Variants in BAALC observed in about 807,000 individuals in gnomAD.
The protein encoded by BAALC is brain and acute leukemia cytoplasmic protein.
In BAALC, 9 loss-of-function variants were observed where a neutral mutation model predicts 15.5. The observed-to-expected ratio is 0.58, with a 90% CI of 0.35 to 1.02. BAALC has a LOEUF of 1.02. BAALC is among the 50% of genes least tolerant of loss of function. The pLI, the probability that BAALC is intolerant of heterozygous loss-of-function variation, is 0.02. For missense variants in BAALC, 201 were observed against 192.4 expected (o/e 1.04, Z -0.27); for synonymous variants, 80 against 74.6 (o/e 1.07, Z -0.37).
chr8:103,149,249 G>A (rs572793317), intron 1 of BAALC, among the ~76,000 whole-genome samples: 30 of 152,124 alleles, frequency 2.0e-4, no homozygotes, highest in Non-Finnish European at 1.3e-4. Flanking sequence ...CATTTACAAG[G>A]CTGAGTCCTG....
intron 2 of BAALC, 73 bp downstream of exon 2, chr8:103,213,158 C>G: frequency 6.7e-7 from 1 of 1,502,554 alleles, no homozygotes; most frequent in Non-Finnish European, 9.1e-7. Context: ...CAGAGCCACC[C>G]AGCCGCTATG....
At chr8:103,153,417 G>A (rs1270524316) in intron 1 of BAALC, 2 of 152,174 alleles carry the variant, frequency 1.3e-5, no homozygotes, top group East Asian at 3.8e-4. Context: ...ATATTTTCAT[G>A]TTTCAAGTAA....
At chr8:103,213,130 G>C in intron 2 of BAALC, 45 bp downstream of exon 2, 2 of 1,597,518 alleles carry the variant, frequency 1.3e-6, no homozygotes, top group Non-Finnish European at 1.7e-6. Context: ...GAGAATGGGG[G>C]TAGGGCTTGC....
In BAALC at chr8:103,140,909, C is replaced by A; in HGVS notation, c.12C>A (p.Gly4=). The A allele has an allele frequency of 1.3e-6, 2 of 1,515,868 alleles. No homozygotes were observed. Among genetic ancestry groups the A allele is most frequent in the South Asian group, 1.2e-5 (1 of 81,218 alleles). The allele number at this position is 1,515,868 out of a possible 1,614,324, so 93.9% of individuals were successfully genotyped here. Residue 4 remains glycine, a synonymous_variant, in exon 1 of 3, where the codon GGC becomes GGA. Transcript: ENST00000309982. This position sits in a 1 kb window ranked among gnomAD's most constrained non-coding sequence, Gnocchi z 4.2. The part of the protein sequence containing the change: MGC[G]GSRADAIEPR... ...CGCGGCGCAGGAGGATGGGCTGCGG[C>A]GGGAGCCGGGCGGATGCCATCGAGC... is the stretch of plus-strand genomic sequence containing the variant.
intron 1 of BAALC, chr8:103,183,557 C>A: frequency 1.5e-6 from 1 of 664,074 alleles, no homozygotes. Context: ...CTTGGGAGAG[C>A]CTCTCAGGCC....
At chr8:103,172,732 ATCCCCAAGCTCCAGTT>A (rs1327929133) in intron 1 of BAALC, among the ~76,000 whole-genome samples, 1 of 152,106 alleles carries the variant, frequency 6.6e-6, no homozygotes, top group Non-Finnish European at 1.5e-5. Flanking sequence ...AGAGCTCTAT[ATCCCCAAGCTCCAGTT>A]TCCCTGTAAA....
At chr8:103,200,146 T>A (rs758346637) in intron 1 of BAALC, among the ~76,000 whole-genome samples, 1 of 152,132 alleles carries the variant, frequency 6.6e-6, no homozygotes, top group African/African-American at 2.4e-5. Context: ...TATAATACAA[T>A]GAGATACCAT....
At chr8:103,180,389 C>A (rs996795088) in intron 1 of BAALC, among the ~76,000 whole-genome samples, 1 of 152,274 alleles carries the variant, frequency 6.6e-6, no homozygotes, top group African/African-American at 2.4e-5. Context: ...GCAAGGCTCA[C>A]GTGCTTGGCC....
intron 1 of BAALC, among the ~76,000 whole-genome samples, chr8:103,186,107 C>A (rs1811830254): frequency 6.6e-6 from 1 of 152,172 alleles, no homozygotes; most frequent in Non-Finnish European, 1.5e-5. Flanking sequence ...AGGGACCCAG[C>A]CTCATTCATC....
chr8:103,222,588 G>A (rs1403986243), intron 2 of BAALC, among the ~76,000 whole-genome samples: 1 of 152,170 alleles, frequency 6.6e-6, no homozygotes. Flanking sequence ...CCTCACGACT[G>A]CTTTTGGTTG....
chr8:103,151,755 A>G (rs1810992768), intron 1 of BAALC, among the ~76,000 whole-genome samples: 1 of 70,572 alleles, frequency 1.4e-5, no homozygotes, highest in Non-Finnish European at 2.7e-5. Context: ...TTCCCTCTGA[A>G]TATAAAAAAA....
chr8:103,169,802 C>T (rs567265103), intron 1 of BAALC, among the ~76,000 whole-genome samples: 59 of 152,272 alleles, frequency 3.9e-4, no homozygotes, highest in Non-Finnish European at 7.8e-4. Flanking sequence ...TATTAGAAAA[C>T]AAAACAACAA....
At chr8:103,203,406 C>A (rs972574115) in intron 1 of BAALC, among the ~76,000 whole-genome samples, 5 of 152,194 alleles carry the variant, frequency 3.3e-5, no homozygotes, top group Admixed American at 3.3e-4. Context: ...GTACTGCTCA[C>A]CATTTGAAAA....
At chr8:103,157,651 A>G (rs1023351441) in intron 1 of BAALC, among the ~76,000 whole-genome samples, 1 of 152,060 alleles carries the variant, frequency 6.6e-6, no homozygotes, top group Non-Finnish European at 1.5e-5. Context: ...CTATAAAAAA[A>G]TTATTTTTAA....
At chr8:103,213,226 T>G (rs1812491019) in intron 2 of BAALC, 141 bp downstream of exon 2, 2 of 976,248 alleles carry the variant, frequency 2.0e-6, no homozygotes, top group South Asian at 4.5e-5. Context: ...GCCCCACCCA[T>G]GTAAAAATTG....
At chr8:103,164,136 G>A (rs1356549542) in intron 1 of BAALC, among the ~76,000 whole-genome samples, 1 of 152,202 alleles carries the variant, frequency 6.6e-6, no homozygotes, top group African/African-American at 2.4e-5. Context: ...TGTGAGTGAA[G>A]AGCAGGAGCT....
intron 1 of BAALC, among the ~76,000 whole-genome samples, chr8:103,166,453 T>C (rs1179585248): frequency 1.3e-5 from 2 of 152,072 alleles, no homozygotes; most frequent in Non-Finnish European, 2.9e-5. Flanking sequence ...GAATCCAGGC[T>C]TGAAGTGGAG....
intron 1 of BAALC, among the ~76,000 whole-genome samples, chr8:103,190,130 T>G (rs1482721776): frequency 6.6e-6 from 1 of 152,076 alleles, no homozygotes; most frequent in Non-Finnish European, 1.5e-5. Flanking sequence ...AGAAAATTGG[T>G]GGCATGTCTG....
At chr8:103,224,925 A>G (rs944874345) in intron 2 of BAALC, among the ~76,000 whole-genome samples, 1 of 152,200 alleles carries the variant, frequency 6.6e-6, no homozygotes, top group Non-Finnish European at 1.5e-5. Flanking sequence ...GACCCCTTAG[A>G]TAGGAGTTGG....
Sources: gnomAD v4.1 joint callset for allele counts (sites outside exome capture counted in the v4.1 genomes callset) on GRCh38, gnomAD v4.1.1 for gene constraint, Gnocchi (gnomAD v3.1) non-coding constraint, MANE v1.5 for transcripts, NCBI Gene and HGNC (gene_info 2026-07-23, HGNC 2026-07-21) for gene names.